The following MYH7B variants were observed in gnomAD, a reference collection of about 807,000 sequenced individuals.
The protein encoded by MYH7B is myosin heavy chain 7B, also known as myosin-7B.
MYH7B carries 205 observed loss-of-function variants against 234.5 expected under a neutral mutation model. The ratio of observed to expected loss-of-function variants is 0.87; its 90% confidence interval spans 0.78 to 0.98. The LOEUF is 0.98. Ranked by LOEUF, MYH7B falls within the 50% of genes least tolerant of loss-of-function variation. The pLI is 0.00. For missense variants in MYH7B, 2,652 were observed against 2,633.4 expected (o/e 1.01, Z -0.15); for synonymous variants, 1,193 against 1,105.0 (o/e 1.08, Z -1.58).
At chr20:35,002,327 A>AGTT (rs1243626815) in exon 45 of MYH7B, 118 of 931,608 alleles carry the variant, frequency 1.3e-4, no homozygotes, top group Non-Finnish European at 1.1e-4. Context: ...CACCACAGCC[A>AGTT]GTTTCCTTCT....
intron 22 of MYH7B, 165 bp from the exon 23 acceptor site, chr20:34,990,573 G>A: frequency 1.3e-6 from 1 of 777,492 alleles, no homozygotes; most frequent in Non-Finnish European, 2.3e-6. Flanking sequence ...CTTTGGTGGT[G>A]GTGATGGGAG....
chr20:34,987,573 C>T (rs781038975), exon 17 of MYH7B: 2 of 1,613,378 alleles, frequency 1.2e-6, no homozygotes, highest in African/African-American at 1.3e-5. Context: ...ACAAGGCTGC[C>T]TACCTGATGG....
chr20:34,980,593 T>C, exon 8 of MYH7B: 1 of 1,614,066 alleles, frequency 6.2e-7, no homozygotes, highest in Admixed American at 1.7e-5. Flanking sequence ...CTCAGGCCTC[T>C]TCTGTGTCAC....
rs150653649 is a variant in MYH7B at position 34,961,652 on chromosome 20, T to C, written c.-222+3440T>C. ...TCCCTATTAGTAGATACTCCACAAT[T>C]CTCCTTCTCCCCAGCCCCTGGCAAC... is the stretch of plus-strand genomic sequence containing the variant. On this transcript the variant is annotated intron_variant, in intron 2 of 44. Transcript: ENST00000262873. 2.9e-3 allele frequency among the ~76,000 whole-genome samples: 449 copies of C among 152,284 alleles called. 4 individuals carry two copies. The highest frequency in any genetic ancestry group is 0.017 in the Middle Eastern group (5 of 294).
At chr20:34,961,506 C>T (rs577941707) in intron 2 of MYH7B, among the ~76,000 whole-genome samples, 1 of 152,144 alleles carries the variant, frequency 6.6e-6, no homozygotes, top group Non-Finnish European at 1.5e-5. Context: ...ATAATTCATG[C>T]ACCATAAAAC....
chr20:34,990,819 A>T, exon 23 of MYH7B: 2 of 1,613,796 alleles, frequency 1.2e-6, no homozygotes, highest in Non-Finnish European at 1.7e-6. Context: ...CGAGAACAAA[A>T]CCCCAGGTAG....
Position 34,979,475 on chromosome 20 carries a change from C to T in MYH7B, c.177C>T (p.Thr59=), listed in dbSNP as rs551949794. ...CGGAGGCTACCGGGGGCAGAGTCAC[C>T]GTGGAGACCAAAGACCAGAAGGTTC... The change falls in exon 6 of 45, where the codon ACC becomes ACT. Residue 59 remains threonine (T), a synonymous_variant. Coordinates refer to ENST00000262873, the Ensembl canonical transcript of MYH7B. 23 of 1,613,578 alleles carry T rather than the reference C, an allele frequency of 1.4e-5. No homozygotes were observed. In the Middle Eastern group the frequency reaches 5.0e-4, roughly 35 times the overall value.
chr20:34,982,230 C>T (rs1383847261), intron 9 of MYH7B, among the ~76,000 whole-genome samples: 1 of 152,086 alleles, frequency 6.6e-6, no homozygotes, highest in Non-Finnish European at 1.5e-5. Flanking sequence ...GAGTAAAGTG[C>T]CGGGCACTGA....
intron 27 of MYH7B, among the ~76,000 whole-genome samples, 198 bp from the exon 28 acceptor site, chr20:34,995,138 T>G (rs2082229709): frequency 6.6e-6 from 1 of 152,226 alleles, no homozygotes; most frequent in African/African-American, 2.4e-5. Context: ...CTTCTAACTT[T>G]CCCCTCTTAA....
chr20:34,969,540 CTTTTTTT>C (rs770172832), intron 2 of MYH7B, among the ~76,000 whole-genome samples: 3 of 126,780 alleles, frequency 2.4e-5, no homozygotes, highest in Non-Finnish European at 4.9e-5. Flanking sequence ...TCTTCTGCTC[CTTTTTTT>C]TTTTTTTTTT....
intron 24 of MYH7B, among the ~76,000 whole-genome samples, chr20:34,992,385 CAAAA>C (rs57996416): frequency 1.1e-4 from 11 of 97,946 alleles, no homozygotes; most frequent in Admixed American, 2.3e-4. Context: ...GACTCCGTCT[CAAAA>C]AAAAAAAAAA....
At chr20:34,976,234 T>C (rs2081852897) in intron 3 of MYH7B, among the ~76,000 whole-genome samples, 1 of 152,162 alleles carries the variant, frequency 6.6e-6, no homozygotes, top group African/African-American at 2.4e-5. Flanking sequence ...ATAGGCGAGT[T>C]TTGCCTGTTT....
intron 2 of MYH7B, among the ~76,000 whole-genome samples, chr20:34,971,706 C>T (rs1423341714): frequency 2.0e-5 from 3 of 152,256 alleles, no homozygotes; most frequent in African/African-American, 7.2e-5. Context: ...CCCTTCAGTG[C>T]ATCCTCCACA....
chr20:34,976,802 A>G (rs1404782658), intron 3 of MYH7B, among the ~76,000 whole-genome samples: 3 of 152,176 alleles, frequency 2.0e-5, no homozygotes, highest in Non-Finnish European at 4.4e-5. Flanking sequence ...CCACTTCCAA[A>G]TGCACAAGTG....
exon 35 of MYH7B, chr20:34,998,770 C>T (rs1479454014): frequency 4.3e-6 from 7 of 1,612,826 alleles, no homozygotes; most frequent in South Asian, 1.1e-5. Flanking sequence ...CGACTGTGAC[C>T]TCCTGCGGGA....
At chr20:34,998,254 C>T in intron 32 of MYH7B, 41 bp from the exon 33 acceptor site, 1 of 1,607,734 alleles carries the variant, frequency 6.2e-7, no homozygotes, top group Non-Finnish European at 8.5e-7. Context: ...CTTGTTCTGA[C>T]ATCTAACTCC....
At chr20:34,987,891 A>G in exon 18 of MYH7B, 1 of 1,606,310 alleles carries the variant, frequency 6.2e-7, no homozygotes, top group African/African-American at 1.3e-5. Context: ...GGTTCTGGAC[A>G]TCGCTGGGTT....
intron 36 of MYH7B, 48 bp from the exon 37 acceptor site, chr20:34,999,523 G>C: frequency 1.3e-6 from 2 of 1,551,592 alleles, no homozygotes; most frequent in Non-Finnish European, 1.7e-6. Context: ...TGACCTGGGT[G>C]GGAGTACAAG....
chr20:34,984,874 C>T, exon 12 of MYH7B: 2 of 1,614,038 alleles, frequency 1.2e-6, no homozygotes, highest in East Asian at 2.2e-5. Context: ...AGGATCAAAT[C>T]ATCGAGGCCA....
Sources: allele counts gnomAD v4.1 joint callset (sites outside exome capture counted in the v4.1 genomes callset), GRCh38; gene constraint gnomAD v4.1.1; transcripts MANE v1.5; gene names NCBI Gene and HGNC (gene_info 2026-07-23, HGNC 2026-07-21).